ART3: variants seen among roughly 807,000 people sequenced by gnomAD.
The protein encoded by ART3 is ADP-ribosyltransferase 3 (inactive).
In ART3, 49 loss-of-function variants were observed where a neutral mutation model predicts 48.5. The observed-to-expected ratio is 1.01, with a 90% CI of 0.80 to 1.28. ART3 has a LOEUF of 1.28. ART3 is among the 50% of genes most tolerant of loss of function. The pLI is 0.00. For synonymous variants in ART3, 145 were observed against 157.2 expected (o/e 0.92, Z 0.58); for missense variants, 438 against 454.3 (o/e 0.96, Z 0.33).
At position 76,069,390 on chromosome 4, in the gene ART3, T is replaced by TTTTTG. The variant is rs1560609908; in HGVS notation, c.-9-6487_-9-6486insGTTTT. Among the ~76,000 whole-genome samples the TTTTTG allele has an allele frequency of 8.6e-3, 763 of 88,216 alleles. 24 individuals carry two copies. The highest frequency in any genetic ancestry group is 0.061 in the African/African-American group (724 of 11,824). The allele number at this position is 88,216 out of a possible 152,430, so 57.9% of individuals were successfully genotyped here. On this transcript the variant is annotated intron_variant, in intron 1 of 9. Coordinates refer to the ART3 transcript ENST00000341029. ...AAATGTATCAGTACTTAATTCCTTTTTTTTTTTTTTTTTTTTTGAGACACA... is the reference window on the plus strand; with the variant it reads ...AAATGTATCAGTACTTAATTCCTTTTTTTTGTTTTTTTTTTTTTTTTTGAGACACA...
chr4:76,011,543 G>T (rs1731794543), intron 1 of ART3, among the ~76,000 whole-genome samples: 1 of 152,224 alleles, frequency 6.6e-6, no homozygotes, highest in Non-Finnish European at 1.5e-5. Flanking sequence ...GGTAACCCTG[G>T]GCCGTGGGCT....
At chr4:76,043,812 C>T (rs189402753) in intron 1 of ART3, among the ~76,000 whole-genome samples, 3,960 of 151,294 alleles carry the variant, frequency 0.026, 105 homozygotes, top group Non-Finnish European at 0.037. Context: ...CAAGAGCAAG[C>T]GAGGGCTGTG....
At chr4:76,079,008 C>G (rs555951165) in intron 2 of ART3, among the ~76,000 whole-genome samples, 12 of 152,072 alleles carry the variant, frequency 7.9e-5, no homozygotes, top group South Asian at 2.1e-4. Flanking sequence ...GTGAACCCGG[C>G]AGGCGGAGCT....
At chr4:76,108,080 G>T (rs1006031215) in intron 11 of ART3, among the ~76,000 whole-genome samples, 7 of 149,168 alleles carry the variant, frequency 4.7e-5, no homozygotes, top group African/African-American at 1.7e-4. Context: ...AAATAAAAAA[G>T]AAAATATATA....
chr4:76,059,597 T>A (rs1719010650), intron 1 of ART3, among the ~76,000 whole-genome samples: 1 of 152,204 alleles, frequency 6.6e-6, no homozygotes, highest in Non-Finnish European at 1.5e-5. Context: ...CTCAACTAAT[T>A]TTCCTCCTTG....
chr4:76,079,176 T>TAAAAAAAAA lies in ART3; in HGVS notation c.70-2638_70-2630dup, dbSNP rs35036561. On this transcript the variant is annotated intron_variant, in intron 2 of 11. Transcript: ENST00000355810. ...AATCTCTTAGTTTCCTCATCTTTGT[T>TAAAAAAAAA]AAAAAAAAAAAAAAAAAAGGCGGGG... Among the ~76,000 whole-genome samples the TAAAAAAAAA allele has an allele frequency of 2.3e-5, 3 of 130,848 alleles. 1 individual carries two copies. Among genetic ancestry groups the TAAAAAAAAA allele is most frequent in the African/African-American group, 5.9e-5 (2 of 34,026 alleles). 85.8% of individuals were successfully genotyped at this position (130,848 alleles called of 152,430 possible). A position where few individuals can be genotyped will look rare whatever the true frequency, so the allele number is the denominator to read the frequency against.
chr4:76,014,133 C>G (rs1480927991), intron 1 of ART3, among the ~76,000 whole-genome samples: 1 of 152,060 alleles, frequency 6.6e-6, no homozygotes, highest in Non-Finnish European at 1.5e-5. Context: ...GAAAACCTAA[C>G]TGCCAGTACC....
In ART3 at chr4:76,029,049, C is replaced by A. The variant is rs1733655495; in HGVS notation, c.-10+17729C>A. On this transcript the variant is annotated intron_variant, in intron 1 of 9. Transcript: ENST00000341029. ...TCTCCTTCCCATAAATAAGATATTT[C>A]AACAAAATAAATTAGAATTTTGTGA... 5.9e-5 allele frequency among the ~76,000 whole-genome samples: 9 copies of A among 152,218 alleles called. No individual in the cohort carries two copies. The South Asian group carries it at 1.9e-3, about 32-fold the overall frequency.
At chr4:76,083,736 C>T (rs1722967314) in intron 3 of ART3, among the ~76,000 whole-genome samples, 1 of 152,240 alleles carries the variant, frequency 6.6e-6, no homozygotes, top group South Asian at 2.1e-4. Flanking sequence ...CCTTACTAAA[C>T]TCCTGATTAC....
chr4:76,073,882 G>A (rs6532169), upstream of ART3, among the ~76,000 whole-genome samples: 27,471 of 152,104 alleles, frequency 0.18, 3,880 homozygotes, highest in African/African-American at 0.39. Flanking sequence ...GTCAGAGTTT[G>A]TTCGTTTTCA....
At chr4:76,072,854 C>T (rs114559119), upstream of ART3, among the ~76,000 whole-genome samples, 16 of 152,224 alleles carry the variant, frequency 1.1e-4, no homozygotes, top group African/African-American at 2.9e-4. Flanking sequence ...GGCTTTAGTA[C>T]GTGCTGTTCA....
intron 3 of ART3, among the ~76,000 whole-genome samples, chr4:76,095,374 G>A (rs1034675504): frequency 6.6e-6 from 1 of 152,132 alleles, no homozygotes; most frequent in African/African-American, 2.4e-5. Flanking sequence ...TGGATGTGGT[G>A]GTGGGTGCCT....
chr4:76,102,440 A>G (rs1432725236), intron 8 of ART3, among the ~76,000 whole-genome samples: 1 of 152,176 alleles, frequency 6.6e-6, no homozygotes, highest in Non-Finnish European at 1.5e-5. Context: ...GCAGAAACTT[A>G]GTCTGAAGCA....
At chr4:76,046,152 G>A (rs538998719) in intron 1 of ART3, among the ~76,000 whole-genome samples, 14 of 152,112 alleles carry the variant, frequency 9.2e-5, no homozygotes, top group African/African-American at 3.1e-4. Flanking sequence ...CCAAACAGAT[G>A]AGGGCTATCC....
At chr4:76,098,208 A>G (rs2149659828) in intron 4 of ART3, among the ~76,000 whole-genome samples, 1 of 152,280 alleles carries the variant, frequency 6.6e-6, no homozygotes, top group East Asian at 1.9e-4. Context: ...ACCAAAAAAA[A>G]AAAAAAAAAT....
In ART3 at chr4:76,103,946, T is replaced by A. The variant is rs752745496; in HGVS notation, c.947T>A (p.Ile316Asn). ...TTATTTCTGCCTTTAGGTGTGAAAATCCTTGAACCCACCCAAATACCTGGT... is the reference window on the plus strand; with the variant it reads ...TTATTTCTGCCTTTAGGTGTGAAAAACCTTGAACCCACCCAAATACCTGGT... The part of the protein sequence containing the change: ...NQKLEDHGVK[I>N]LEPTQIPGMK... Residue 316 changes from isoleucine to asparagine, a missense_variant, in exon 9 of 12, where the codon ATC becomes AAC. Ile to Asn is a moderately radical substitution (Grantham distance 149). Around this residue, in one of 3 missense-constraint regions of ART3, gnomAD observed 227 missense variants for 229.6 expected, o/e 0.99. Coordinates refer to ENST00000355810, the MANE Select transcript of ART3 (RefSeq NM_001130016.3). The A allele has an allele frequency of 6.2e-7, 1 of 1,613,088 alleles. No individual in the cohort carries two copies. Among genetic ancestry groups the A allele is most frequent in the Admixed American group, 1.7e-5 (1 of 59,934 alleles).
intron 10 of ART3, 56 bp downstream of exon 10, chr4:76,104,685 A>C: frequency 6.5e-7 from 1 of 1,539,000 alleles, no homozygotes; most frequent in Non-Finnish European, 8.8e-7. Flanking sequence ...GAGTACAGTC[A>C]CCATTAGATA....
intron 1 of ART3, among the ~76,000 whole-genome samples, chr4:76,040,450 A>ACACG (rs1553926445): frequency 6.8e-6 from 1 of 146,134 alleles, no homozygotes; most frequent in Non-Finnish European, 1.5e-5. Flanking sequence ...ACACACACAC[A>ACACG]CACACACACA....
At chr4:76,046,856 C>T (rs965575800) in intron 1 of ART3, among the ~76,000 whole-genome samples, 3 of 151,974 alleles carry the variant, frequency 2.0e-5, no homozygotes, top group Non-Finnish European at 4.4e-5. Context: ...CAGGATTCCT[C>T]GGGTGGTAAC....
Sources: allele counts gnomAD v4.1 joint callset (sites outside exome capture counted in the v4.1 genomes callset), GRCh38; gene constraint gnomAD v4.1.1; regional missense constraint gnomAD v4.1.1; transcripts MANE v1.5; gene names NCBI Gene and HGNC (gene_info 2026-07-23, HGNC 2026-07-21).